Variants in DMD observed in about 807,000 individuals in gnomAD.
The protein encoded by DMD is mutant dystrophin.
Under a neutral mutation model 330.1 loss-of-function variants are expected in DMD, and 63 were observed. The ratio of observed to expected loss-of-function variants is 0.19; its 90% CI spans 0.16 to 0.24. DMD has a LOEUF of 0.24. Ranked by LOEUF, DMD falls within the 10% of genes least tolerant of loss-of-function variation. The pLI is 1.00. For synonymous variants in DMD, 1,223 were observed against 959.8 expected, an observed-to-expected ratio of 1.27 and a Z score of -5.07; for missense variants, 3,344 against 2,684.1, an observed-to-expected ratio of 1.25 and a Z score of -5.43.
intron 13 of DMD, among the ~76,000 whole-genome samples, chrX:32,581,794 G>A (rs1027613223): frequency 2.4e-4 from 27 of 111,605 alleles, no homozygotes; most frequent in African/African-American, 8.1e-4. Flanking sequence ...TTTCATGGAC[G>A]TAAAGGAAAA....
chrX:31,182,769 T>C lies in DMD; in HGVS notation c.9943A>G (p.Ile3315Val). The C allele has an allele frequency of 1.7e-6, 2 of 1,210,105 alleles. No individual in the cohort carries two copies. Among genetic ancestry groups the C allele is most frequent in the Non-Finnish European group, 2.2e-6 (2 of 894,819 alleles). ...ETAKHQAKCNICKECPIIGFR... is the reference protein window; with the variant it reads ...ETAKHQAKCNVCKECPIIGFR... The stretch of plus-strand genomic sequence containing the variant: ...CCAATGATTGGACACTCTTTGCAGA[T>C]GTTACATTTGGCCTGATGCTTGGCA... The change falls in exon 68 of 79, where the codon ATC becomes GTC. Residue 3315 changes from isoleucine to valine, a missense_variant. Coordinates refer to ENST00000357033, the MANE Select transcript of DMD (RefSeq NM_004006.3).
chrX:31,338,461 A>G (rs138718735), intron 61 of DMD, among the ~76,000 whole-genome samples: 2,656 of 109,994 alleles, frequency 0.024, 74 homozygotes, highest in African/African-American at 0.082. Flanking sequence ...ACAAGACTCC[A>G]TCTCAAAACA....
chrX:32,786,261 C>T (rs2075352809), intron 7 of DMD, among the ~76,000 whole-genome samples: 1 of 106,698 alleles, frequency 9.4e-6, no homozygotes, highest in African/African-American at 3.4e-5. Context: ...CAGATAATAG[C>T]TTTTTTTTTT....
At chrX:32,988,436 A>C (rs1247974917) in intron 2 of DMD, among the ~76,000 whole-genome samples, 2 of 111,913 alleles carry the variant, frequency 1.8e-5, no homozygotes, top group African/African-American at 6.5e-5. Context: ...TGGAAAAACG[A>C]CCGTGTATGA....
chrX:31,243,305 G>T (rs978277255), intron 63 of DMD, among the ~76,000 whole-genome samples: 3 of 111,912 alleles, frequency 2.7e-5, no homozygotes, highest in South Asian at 3.7e-4. Flanking sequence ...GAAGAAACAG[G>T]AGTTGGTATA....
chrX:33,017,843 G>A (rs896819616), intron 2 of DMD, among the ~76,000 whole-genome samples: 2 of 111,586 alleles, frequency 1.8e-5, no homozygotes, highest in African/African-American at 6.5e-5. Context: ...ATGAGTTCAG[G>A]AGATTCCACT....
chrX:32,689,178 CTTTTT>C (rs2063094554), intron 9 of DMD, among the ~76,000 whole-genome samples: 2 of 110,996 alleles, frequency 1.8e-5, no homozygotes, highest in African/African-American at 6.5e-5. Context: ...CCTTAAATAA[CTTTTT>C]GTTTTTAAGT....
intron 74 of DMD, among the ~76,000 whole-genome samples, chrX:31,158,753 T>TATA (rs2038460867): frequency 8.9e-6 from 1 of 112,211 alleles, no homozygotes; most frequent in African/African-American, 3.2e-5. Context: ...AATAAAATCT[T>TATA]ATAATGCTTT....
At chrX:32,425,805 A>T (rs1276750559) in intron 29 of DMD, among the ~76,000 whole-genome samples, 1 of 111,530 alleles carries the variant, frequency 9.0e-6, no homozygotes, top group East Asian at 2.8e-4. Context: ...TAGACCAATG[A>T]AACAGAATGG....
intron 76 of DMD, among the ~76,000 whole-genome samples, chrX:31,134,992 A>G (rs1436960790): frequency 9.0e-6 from 1 of 111,726 alleles, no homozygotes; most frequent in African/African-American, 3.3e-5. Context: ...ATTTGAGAGC[A>G]GCTTGGGCAA....
chrX:31,951,161 A>ATG (rs2095170637), intron 45 of DMD, among the ~76,000 whole-genome samples: 3 of 86,941 alleles, frequency 3.5e-5, no homozygotes, highest in African/African-American at 1.4e-4. Flanking sequence ...ATATATATGT[A>ATG]TATATATATA....
intron 1 of DMD, among the ~76,000 whole-genome samples, chrX:33,067,148 G>A (rs1337478558): frequency 9.0e-6 from 1 of 111,520 alleles, no homozygotes; most frequent in Non-Finnish European, 1.9e-5. Context: ...GAGTGTGTAC[G>A]GATAACACGT....
chrX:32,550,093 C>A (rs2049379899), intron 16 of DMD, among the ~76,000 whole-genome samples: 1 of 111,401 alleles, frequency 9.0e-6, no homozygotes, highest in Non-Finnish European at 1.9e-5. Context: ...ATACGGCCAA[C>A]CTATGTGGTA....
At chrX:32,370,688 A>T (rs1472588396) in intron 34 of DMD, among the ~76,000 whole-genome samples, 3 of 106,071 alleles carry the variant, frequency 2.8e-5, no homozygotes, top group Non-Finnish European at 5.9e-5. Context: ...TGCTCACTTT[A>T]AAAAAAAAAG....
chrX:32,724,527 T>C (rs1479850012), intron 7 of DMD, among the ~76,000 whole-genome samples: 1 of 111,648 alleles, frequency 9.0e-6, no homozygotes, highest in Non-Finnish European at 1.9e-5. Flanking sequence ...AGAAAACATG[T>C]TAAAGCTAAT....
At chrX:31,750,576 A>C (rs79256198) in intron 51 of DMD, among the ~76,000 whole-genome samples, 1 of 110,913 alleles carries the variant, frequency 9.0e-6, no homozygotes, top group Non-Finnish European at 1.9e-5. Flanking sequence ...TTCCCTTTGA[A>C]AACTGGCACA....
rs990357919 is a variant in DMD at position 31,815,188 on chromosome X, G to A, written c.7309+4787C>T. On this transcript the variant is annotated intron_variant, in intron 50 of 78. Transcript: ENST00000357033. ...GTCTTGGCTGGGCACAGTGGCTCAC[G>A]CCTGTAATCCCAGCACTATGGGAGG... 9.8e-5 allele frequency among the ~76,000 whole-genome samples: 11 copies of A among 112,308 alleles called. 1 individual carries two copies. The highest frequency in any genetic ancestry group is 8.4e-4 in the East Asian group (3 of 3,569).
intron 23 of DMD, 127 bp downstream of exon 23, chrX:32,468,371 T>C (rs1409078988): frequency 1.7e-6 from 1 of 587,026 alleles, no homozygotes; most frequent in Non-Finnish European, 2.7e-6. Context: ...TCATGTCTTT[T>C]CATCTTCTCA....
chrX:31,643,833 C>T (rs2079922818), intron 54 of DMD, among the ~76,000 whole-genome samples: 1 of 111,617 alleles, frequency 9.0e-6, no homozygotes, highest in South Asian at 3.7e-4. Context: ...ATTATACTTT[C>T]ATAGAATGTG....
Sources: gnomAD v4.1 joint callset for allele counts (sites outside exome capture counted in the v4.1 genomes callset) on GRCh38, gnomAD v4.1.1 for gene constraint, MANE v1.5 for transcripts, NCBI Gene and HGNC (gene_info 2026-07-23, HGNC 2026-07-21) for gene names.